The following GALNT13 variants were observed in gnomAD, a reference collection of about 807,000 sequenced individuals.
The protein encoded by GALNT13 is UDP-GalNAc:polypeptide N-acetylgalactosaminyltransferase 13.
GALNT13 carries 28 observed loss-of-function variants against 64.2 expected under a neutral mutation model. The observed-to-expected ratio is 0.44, with a 90% confidence interval of 0.32 to 0.60. The LOEUF (loss-of-function observed/expected upper bound fraction) is 0.60, where lower values mean the gene tolerates loss of function less well. GALNT13 is among the 20% of genes least tolerant of loss of function. The pLI is 0.05. For missense variants in GALNT13, 577 were observed against 669.8 expected, an observed-to-expected ratio of 0.86 and a Z score of 1.53; for synonymous variants, 214 against 224.6, an observed-to-expected ratio of 0.95 and a Z score of 0.42.
the GALNT13 span, among the ~76,000 whole-genome samples, chr2:153,817,433 C>T: frequency 8.5e-5 from 13 of 152,204 alleles, no homozygotes; most frequent in Non-Finnish European, 2.9e-5. Flanking sequence ...CTGGGTTTCT[C>T]ATCCCCCACC....
Position 153,913,464 on chromosome 2 carries a change from T to G in GALNT13, c.-105+12457T>G, listed in dbSNP as rs1689122132. Among the ~76,000 whole-genome samples the G allele has an allele frequency of 2.0e-5, 3 of 152,104 alleles. No individual in the cohort carries two copies. In the South Asian group the frequency reaches 6.2e-4, roughly 31 times the overall value. On this transcript the variant is annotated intron_variant, in intron 2 of 12. Coordinates refer to ENST00000392825, the MANE Select transcript of GALNT13 (RefSeq NM_052917.4). ...CAGTTCCCCTAAGGCTAAAGTCTCC[T>G]ATGGAAGCAAGTTGAGCCCAGGGGA...
chr2:153,069,836 C>T, the GALNT13 span, among the ~76,000 whole-genome samples: 1 of 152,174 alleles, frequency 6.6e-6, no homozygotes, highest in East Asian at 1.9e-4. Flanking sequence ...TGTCTCTCTG[C>T]TCTGGTGGTG....
chr2:153,081,184 A>G, the GALNT13 span, among the ~76,000 whole-genome samples: 1 of 151,942 alleles, frequency 6.6e-6, no homozygotes, highest in African/African-American at 2.4e-5. Flanking sequence ...TTTGGTATTT[A>G]TTGATACATA....
At chr2:153,264,983 G>T in the GALNT13 span, among the ~76,000 whole-genome samples, 1 of 152,232 alleles carries the variant, frequency 6.6e-6, no homozygotes, top group Non-Finnish European at 1.5e-5. Context: ...CTAGGGCCCA[G>T]GATGGGGTTG....
At chr2:153,438,558 T>C in the GALNT13 span, among the ~76,000 whole-genome samples, 8 of 152,168 alleles carry the variant, frequency 5.3e-5, no homozygotes, top group Admixed American at 5.2e-4. Context: ...CTTCTCTTCT[T>C]GCTTCATTTC....
At chr2:153,553,056 A>G in the GALNT13 span, among the ~76,000 whole-genome samples, 3 of 152,202 alleles carry the variant, frequency 2.0e-5, no homozygotes, top group African/African-American at 7.2e-5. Flanking sequence ...TCTAGAACAT[A>G]GAGAAACTAT....
At chr2:153,282,102 GA>G in the GALNT13 span, among the ~76,000 whole-genome samples, 1 of 150,744 alleles carries the variant, frequency 6.6e-6, no homozygotes, top group African/African-American at 2.4e-5. Context: ...TTCATTCTTT[GA>G]AAAAAAATCT....
the GALNT13 span, among the ~76,000 whole-genome samples, chr2:153,628,959 G>A: frequency 1.3e-5 from 2 of 152,128 alleles, no homozygotes; most frequent in African/African-American, 4.8e-5. Flanking sequence ...GAATTCAGCT[G>A]TGAATCTGTC....
the GALNT13 span, among the ~76,000 whole-genome samples, chr2:153,289,705 G>A: frequency 8.5e-5 from 13 of 152,260 alleles, no homozygotes; most frequent in Admixed American, 7.8e-4. Context: ...GTATCTCAGA[G>A]GTTACATCTC....
chr2:154,086,214 A>G (rs982340758), intron 3 of GALNT13, among the ~76,000 whole-genome samples: 3 of 148,212 alleles, frequency 2.0e-5, no homozygotes, highest in African/African-American at 7.3e-5. Flanking sequence ...TGAATACGCC[A>G]GAGAACCCAA....
the GALNT13 span, among the ~76,000 whole-genome samples, chr2:153,644,881 A>T: frequency 6.6e-6 from 1 of 152,082 alleles, no homozygotes; most frequent in African/African-American, 2.4e-5. Flanking sequence ...TCTGTCCATT[A>T]TTCTTCACAA....
the GALNT13 span, among the ~76,000 whole-genome samples, chr2:153,856,884 G>T: frequency 6.6e-6 from 1 of 151,994 alleles, no homozygotes; most frequent in African/African-American, 2.4e-5. Context: ...CAACTCTAAC[G>T]TGGATCTATA....
downstream of GALNT13, among the ~76,000 whole-genome samples, chr2:154,456,557 C>T (rs1702034752): frequency 6.6e-6 from 1 of 151,976 alleles, no homozygotes; most frequent in South Asian, 2.1e-4. Flanking sequence ...CTATGAATAT[C>T]TCCTTGCACC....
the GALNT13 span, among the ~76,000 whole-genome samples, chr2:153,145,913 C>T: frequency 6.6e-6 from 1 of 151,796 alleles, no homozygotes; most frequent in Non-Finnish European, 1.5e-5. Flanking sequence ...ATAAACATAG[C>T]AGGAAGGAGC....
chr2:154,266,486 A>G lies in GALNT13; in HGVS notation c.975+7348A>G, dbSNP rs1287811305. On this transcript the variant is annotated intron_variant, in intron 8 of 12. Coordinates refer to ENST00000392825, the MANE Select transcript of GALNT13 (RefSeq NM_052917.4). ...TCTATACACTAGCAACAAACAGCAG[A>G]AAACTGATATTAAACATTATCTAAA... 5.3e-5 allele frequency among the ~76,000 whole-genome samples: 8 copies of G among 152,238 alleles called. No individual in the cohort carries two copies. In the South Asian group the frequency reaches 8.3e-4, roughly 16 times the overall value.
chr2:153,605,032 C>T, the GALNT13 span, among the ~76,000 whole-genome samples: 2 of 152,018 alleles, frequency 1.3e-5, no homozygotes, highest in South Asian at 4.1e-4. Context: ...TTCGTATCTC[C>T]TGACCATCTG....
the GALNT13 span, among the ~76,000 whole-genome samples, chr2:153,554,283 G>A: frequency 2.0e-5 from 3 of 151,838 alleles, no homozygotes; most frequent in Non-Finnish European, 2.9e-5. Context: ...GCAGTGAGCC[G>A]AGATCGTGCC....
intron 4 of GALNT13, among the ~76,000 whole-genome samples, chr2:154,145,606 T>C (rs1037099481): frequency 1.3e-5 from 2 of 151,974 alleles, no homozygotes; most frequent in African/African-American, 4.8e-5. Context: ...ATTTTAGCTT[T>C]TTATATCCTA....
chr2:154,369,804 A>G (rs1291574362), intron 9 of GALNT13, among the ~76,000 whole-genome samples: 1 of 152,186 alleles, frequency 6.6e-6, no homozygotes, highest in Non-Finnish European at 1.5e-5. Context: ...TTAAGGTGTC[A>G]ATGAAGTTTC....
Sources: allele counts gnomAD v4.1 joint callset (sites outside exome capture counted in the v4.1 genomes callset), GRCh38; gene constraint gnomAD v4.1.1; transcripts MANE v1.5; gene names NCBI Gene and HGNC (gene_info 2026-07-23, HGNC 2026-07-21).